PCDHA3: variants seen among roughly 807,000 people sequenced by gnomAD.
The protein encoded by PCDHA3 is protocadherin alpha-3.
A neutral mutation model predicts 62.2 loss-of-function variants in PCDHA3; 41 were observed. The observed-to-expected ratio is 0.66, with a 90% confidence interval of 0.51 to 0.86. The LOEUF is 0.86. PCDHA3 is among the 40% of genes least tolerant of loss of function. PCDHA3 has a pLI of 0.00. For missense variants in PCDHA3, 1,304 were observed against 1,241.2 expected (o/e 1.05, Z -0.76); for synonymous variants, 640 against 555.4 (o/e 1.15, Z -2.14).
At chr5:140,870,507 A>C (rs782584168) in intron 1 of PCDHA3, 1 of 1,614,128 alleles carries the variant, frequency 6.2e-7, no homozygotes, top group Non-Finnish European at 8.5e-7. Context: ...AGAACAACCC[A>C]CCAGGCTGCC....
At chr5:140,881,336 G>A in intron 1 of PCDHA3, 1 of 985,066 alleles carries the variant, frequency 1.0e-6, no homozygotes, top group Non-Finnish European at 1.2e-6. Context: ...CCAGGACGCC[G>A]ATTCGGGCTA....
chr5:141,007,325 C>T (rs1303133451), intron 3 of PCDHA3, among the ~76,000 whole-genome samples: 1 of 145,322 alleles, frequency 6.9e-6, no homozygotes, highest in Non-Finnish European at 1.5e-5. Flanking sequence ...CTAAAGTGGA[C>T]AGATTGCCTG....
At chr5:140,869,288 G>C (rs950790626) in intron 1 of PCDHA3, 2 of 1,613,578 alleles carry the variant, frequency 1.2e-6, no homozygotes, top group South Asian at 1.1e-5. Flanking sequence ...CTGGTGCAGC[G>C]CCTGTTCCGG....
chr5:140,835,821 G>A lies in PCDHA3; in HGVS notation c.2394+32230G>A, dbSNP rs2150245813. ...CTGCCACATCTTCACTGTGTCGGCG[G>A]GGGACGCGGACGCGCAGAAGAACGC... is the stretch of plus-strand genomic sequence containing the variant. On this transcript the variant is annotated intron_variant, in intron 1 of 3. Transcript: ENST00000522353. The A allele has an allele frequency of 1.9e-6, 3 of 1,612,596 alleles. No homozygotes were observed. In the African/African-American group the frequency reaches 4.0e-5, roughly 22 times the overall value.
intron 1 of PCDHA3, chr5:140,842,095 A>G: frequency 6.2e-7 from 1 of 1,613,924 alleles, no homozygotes; most frequent in Non-Finnish European, 8.5e-7. Flanking sequence ...CAGACAACGG[A>G]ACAACAGTTA....
Position 140,828,948 on chromosome 5 carries a change from C to T in PCDHA3, c.2394+25357C>T, listed in dbSNP as rs2150161275. The T allele has an allele frequency of 2.9e-4, 471 of 1,614,172 alleles. 5 individuals carry two copies. The South Asian group carries it at 4.8e-3, about 17-fold the overall frequency. Reference sequence around the variant, plus strand: ...TCATATTCTTTTAATAGCCTTGTTGCAGCCATGGTTATTGACCACTTTAGC... The same window carrying T: ...TCATATTCTTTTAATAGCCTTGTTGTAGCCATGGTTATTGACCACTTTAGC... On this transcript the variant is annotated intron_variant, in intron 1 of 3. Coordinates refer to ENST00000522353, the MANE Select transcript of PCDHA3 (RefSeq NM_018906.3).
At position 140,933,976 on chromosome 5, in the gene PCDHA3, A is replaced by G. The variant is rs1359426492; in HGVS notation, c.2395-44973A>G. ...ATCTGTAGTGATGTTTCCCTTTTCA[A>G]TCCTGGTGTTAGTGTCACCTCTCAT... On this transcript the variant is annotated intron_variant, in intron 1 of 3. Coordinates refer to ENST00000522353, the MANE Select transcript of PCDHA3 (RefSeq NM_018906.3). Among the ~76,000 whole-genome samples, 3 of 151,666 alleles carry G rather than the reference A, an allele frequency of 2.0e-5. No homozygotes were observed. The East Asian group carries it at 5.8e-4, about 29-fold the overall frequency.
intron 1 of PCDHA3, chr5:140,828,951 C>T: frequency 1.9e-6 from 3 of 1,614,200 alleles, no homozygotes; most frequent in South Asian, 1.1e-5. Context: ...CTTGTTGCAG[C>T]CATGGTTATT....
At chr5:140,913,619 G>A (rs188632685) in intron 1 of PCDHA3, among the ~76,000 whole-genome samples, 1 of 151,848 alleles carries the variant, frequency 6.6e-6, no homozygotes, top group Non-Finnish European at 1.5e-5. Context: ...TACTAATTTT[G>A]GATTCAGTTT....
chr5:140,861,346 C>T (rs2046871504), intron 1 of PCDHA3: 2 of 294,962 alleles, frequency 6.8e-6, no homozygotes, highest in South Asian at 3.7e-5. Context: ...AGGCCAAGGA[C>T]GGCACATAGC....
At chr5:140,975,326 G>A (rs901942738) in intron 1 of PCDHA3, among the ~76,000 whole-genome samples, 2 of 152,216 alleles carry the variant, frequency 1.3e-5, no homozygotes, top group Non-Finnish European at 2.9e-5. Flanking sequence ...GTCCCATCCA[G>A]ATGATCTCCC....
Position 140,843,641 on chromosome 5 carries a change from C to T in PCDHA3, c.2394+40050C>T, listed in dbSNP as rs1231976546. ...GAAGACGGACCTCATGGCCTTCAGCCCCTGCCTTCCTCCTGATCTGGGATC... is the reference window on the plus strand; with the variant it reads ...GAAGACGGACCTCATGGCCTTCAGCTCCTGCCTTCCTCCTGATCTGGGATC... On this transcript the variant is annotated intron_variant, in intron 1 of 3. Transcript: ENST00000522353. 2.4e-5 allele frequency: 38 copies of T among 1,595,398 alleles called. 1 individual carries two copies. The highest frequency in any genetic ancestry group is 4.5e-5 in the East Asian group (2 of 44,832).
At chr5:140,967,320 A>G in intron 1 of PCDHA3, 6 of 1,609,774 alleles carry the variant, frequency 3.7e-6, no homozygotes, top group Non-Finnish European at 5.1e-6. Context: ...GTACAGACCT[A>G]CGAGCTCAGC....
At chr5:140,978,711 C>G (rs1306070484) in intron 1 of PCDHA3, among the ~76,000 whole-genome samples, 2 of 152,238 alleles carry the variant, frequency 1.3e-5, no homozygotes, top group Non-Finnish European at 2.9e-5. Flanking sequence ...GTGGCCTTTA[C>G]AAGATTATTA....
intron 1 of PCDHA3, among the ~76,000 whole-genome samples, chr5:140,944,623 T>C (rs535315515): frequency 6.6e-6 from 1 of 152,320 alleles, no homozygotes; most frequent in East Asian, 1.9e-4. Flanking sequence ...AGAAGTATAG[T>C]GTTGTAAGCC....
intron 1 of PCDHA3, among the ~76,000 whole-genome samples, chr5:140,914,272 A>G (rs1356508399): frequency 2.0e-5 from 3 of 152,212 alleles, no homozygotes; most frequent in Non-Finnish European, 4.4e-5. Context: ...GGGTGCATAT[A>G]TATTTATAAT....
intron 1 of PCDHA3, chr5:140,821,613 A>AT: frequency 1.2e-6 from 1 of 802,296 alleles, no homozygotes; most frequent in Non-Finnish European, 1.9e-6. Context: ...TACAGTGAGT[A>AT]GATTTTCCTT....
intron 1 of PCDHA3, among the ~76,000 whole-genome samples, chr5:140,873,090 T>G (rs540850056): frequency 6.6e-6 from 1 of 152,198 alleles, no homozygotes; most frequent in Non-Finnish European, 1.5e-5. Context: ...CCCCCCCGTA[T>G]AGAGGCATAA....
intron 1 of PCDHA3, among the ~76,000 whole-genome samples, chr5:140,871,869 T>C (rs1230282991): frequency 6.6e-6 from 1 of 152,230 alleles, no homozygotes; most frequent in Non-Finnish European, 1.5e-5. Context: ...TATGGATTAT[T>C]TAAATTTGCT....
Sources: gnomAD v4.1 joint callset for allele counts (sites outside exome capture counted in the v4.1 genomes callset) on GRCh38, gnomAD v4.1.1 for gene constraint, MANE v1.5 for transcripts, NCBI Gene and HGNC (gene_info 2026-07-23, HGNC 2026-07-21) for gene names.